The following LRRC37A2 variants were observed in gnomAD, a reference collection of about 807,000 sequenced individuals.
LRRC37A2 encodes the protein leucine rich repeat containing 37 member A2, also known as leucine-rich repeat-containing protein 37A2.
LRRC37A2 carries 9 observed loss-of-function variants against 68.8 expected under a neutral mutation model. The observed-to-expected ratio is 0.13, with a 90% confidence interval of 0.08 to 0.23. The LOEUF is 0.23. Ranked by LOEUF, LRRC37A2 falls within the 10% of genes least tolerant of loss-of-function variation. The pLI, the probability that LRRC37A2 is intolerant of heterozygous loss-of-function variation, is 1.00. For synonymous variants in LRRC37A2, 63 were observed against 367.6 expected (o/e 0.17, Z 9.48); for missense variants, 168 against 950.4 (o/e 0.18, Z 10.82).
the LRRC37A2 span, among the ~76,000 whole-genome samples, chr17:46,814,068 G>A: frequency 1.4e-4 from 22 of 152,124 alleles, no homozygotes; most frequent in African/African-American, 4.6e-4. Context: ...TGACCTCATC[G>A]CCAAAGGTCT....
the LRRC37A2 span, among the ~76,000 whole-genome samples, chr17:46,810,004 C>CTTTTT: frequency 4.2e-4 from 53 of 126,344 alleles, no homozygotes; most frequent in Non-Finnish European, 6.1e-4. Context: ...TTCTTTCTTT[C>CTTTTT]TTTTTTTTTT....
chr17:46,765,380 G>C, the LRRC37A2 span, among the ~76,000 whole-genome samples: 1 of 152,230 alleles, frequency 6.6e-6, no homozygotes, highest in African/African-American at 2.4e-5. Flanking sequence ...GAATAAATCT[G>C]GCACTTGTAA....
the LRRC37A2 span, among the ~76,000 whole-genome samples, chr17:46,708,826 T>G: frequency 0.023 from 1,500 of 66,282 alleles, 36 homozygotes; most frequent in African/African-American, 0.078. Flanking sequence ...ATATATATTT[T>G]TTTTTTTTTT....
chr17:46,485,926 C>T, the LRRC37A2 span, among the ~76,000 whole-genome samples: 1 of 85,136 alleles, frequency 1.2e-5, no homozygotes, highest in East Asian at 2.5e-4. Flanking sequence ...TTGCAGCGTC[C>T]GAGATCGCGC....
chr17:46,770,175 A>G, the LRRC37A2 span: 3 of 1,298,870 alleles, frequency 2.3e-6, no homozygotes, highest in Non-Finnish European at 3.1e-6. Flanking sequence ...ACCAGCCCTG[A>G]GGCAAGAGGG....
chr17:46,727,062 T>G, the LRRC37A2 span, among the ~76,000 whole-genome samples: 1 of 152,204 alleles, frequency 6.6e-6, no homozygotes, highest in Non-Finnish European at 1.5e-5. Flanking sequence ...GCACCTCAGT[T>G]TCTGCTCTTA....
At chr17:46,874,494 G>T in the LRRC37A2 span, among the ~76,000 whole-genome samples, 1 of 152,184 alleles carries the variant, frequency 6.6e-6, no homozygotes, top group Admixed American at 6.5e-5. Context: ...GGTGAAGGCC[G>T]TAGCCCCTGG....
At chr17:46,939,162 T>A in the LRRC37A2 span, 1 of 1,107,268 alleles carries the variant, frequency 9.0e-7, no homozygotes, top group Admixed American at 4.2e-5. Context: ...TGGCTCCTGA[T>A]AGGGTGGAGC....
the LRRC37A2 span, chr17:47,017,560 C>T: frequency 1.2e-5 from 19 of 1,597,886 alleles, no homozygotes; most frequent in Non-Finnish European, 1.6e-5. Flanking sequence ...CCCCTGGAGC[C>T]AGAGCAGTTC....
the LRRC37A2 span, among the ~76,000 whole-genome samples, chr17:46,991,695 A>T: frequency 6.6e-6 from 1 of 152,250 alleles, no homozygotes; most frequent in African/African-American, 2.4e-5. Context: ...ATTTCATCCT[A>T]GAAGGTTTAG....
the LRRC37A2 span, chr17:46,929,561 C>T: frequency 1.1e-5 from 17 of 1,557,850 alleles, no homozygotes; most frequent in East Asian, 6.7e-5. Flanking sequence ...CGCCTGGAGA[C>T]GGCAGACAAG....
chr17:46,676,294 G>C, the LRRC37A2 span, among the ~76,000 whole-genome samples: 1 of 140,824 alleles, frequency 7.1e-6, no homozygotes, highest in Non-Finnish European at 1.5e-5. Flanking sequence ...GTGCAATGGC[G>C]TGATCTCGGC....
At chr17:46,867,347 G>A in the LRRC37A2 span, among the ~76,000 whole-genome samples, 1 of 152,278 alleles carries the variant, frequency 6.6e-6, no homozygotes, top group Admixed American at 6.5e-5. Flanking sequence ...GGAAGAGGTG[G>A]AGGTGGGATT....
At chr17:46,894,454 C>T in the LRRC37A2 span, among the ~76,000 whole-genome samples, 1 of 152,198 alleles carries the variant, frequency 6.6e-6, no homozygotes, top group African/African-American at 2.4e-5. Flanking sequence ...TCATTAAGTC[C>T]CCCTAAGACA....
At chr17:46,828,380 G>A in the LRRC37A2 span, among the ~76,000 whole-genome samples, 1 of 151,866 alleles carries the variant, frequency 6.6e-6, no homozygotes, top group African/African-American at 2.4e-5. Context: ...AAAATTTTTG[G>A]TAGAGATGGG....
At chr17:46,841,753 G>A in the LRRC37A2 span, among the ~76,000 whole-genome samples, 1 of 152,252 alleles carries the variant, frequency 6.6e-6, no homozygotes, top group Non-Finnish European at 1.5e-5. Context: ...AGGTTCTGCA[G>A]TGTGAGGCAG....
At chr17:46,872,300 G>C in the LRRC37A2 span, among the ~76,000 whole-genome samples, 1 of 152,238 alleles carries the variant, frequency 6.6e-6, no homozygotes, top group Non-Finnish European at 1.5e-5. Context: ...AAGAAGAGCA[G>C]AGACCGGAAT....
chr17:46,892,253 C>A, the LRRC37A2 span, among the ~76,000 whole-genome samples: 1 of 152,018 alleles, frequency 6.6e-6, no homozygotes, highest in South Asian at 2.1e-4. Flanking sequence ...AAATGTCACA[C>A]CCCTGCCTAA....
the LRRC37A2 span, among the ~76,000 whole-genome samples, chr17:46,925,018 G>A: frequency 6.6e-6 from 1 of 152,188 alleles, no homozygotes; most frequent in East Asian, 1.9e-4. Context: ...AGAGAAAACT[G>A]CATGGCTCAG....
Sources: allele counts gnomAD v4.1 joint callset (sites outside exome capture counted in the v4.1 genomes callset), GRCh38; gene constraint gnomAD v4.1.1; transcripts MANE v1.5; gene names NCBI Gene and HGNC (gene_info 2026-07-23, HGNC 2026-07-21).